Variants in DNAJC6 observed in about 807,000 individuals in gnomAD.
DNAJC6 encodes DnaJ heat shock protein family (Hsp40) member C6, also known as auxilin.
Under a neutral mutation model 110.0 loss-of-function variants are expected in DNAJC6, and 34 were observed. The observed-to-expected ratio is 0.31, with a 90% CI of 0.24 to 0.41. The LOEUF is 0.41. DNAJC6 is among the 10% of genes least tolerant of loss of function. The pLI, the probability that DNAJC6 is intolerant of heterozygous loss-of-function variation, is 1.00. For missense variants in DNAJC6, 1,031 were observed against 1,207.8 expected, an observed-to-expected ratio of 0.85 and a Z score of 2.17; for synonymous variants, 406 against 437.2, an observed-to-expected ratio of 0.93 and a Z score of 0.89.
intron 1 of DNAJC6, among the ~76,000 whole-genome samples, chr1:65,302,523 CTTTTTTTTTTTTTT>C (rs1169755787): frequency 1.2e-5 from 1 of 85,336 alleles, no homozygotes; most frequent in East Asian, 3.4e-4. Context: ...CTCTTCCTTT[CTTTTTTTTTTTTTT>C]TTTTTTTTTG....
At chr1:65,329,329 G>A (rs934468142) in intron 1 of DNAJC6, among the ~76,000 whole-genome samples, 1 of 152,058 alleles carries the variant, frequency 6.6e-6, no homozygotes, top group African/African-American at 2.4e-5. Flanking sequence ...ATTACTTTAA[G>A]TAGCTATGAG....
intron 1 of DNAJC6, among the ~76,000 whole-genome samples, chr1:65,336,696 C>T (rs1031735071): frequency 3.3e-5 from 5 of 152,146 alleles, no homozygotes; most frequent in Non-Finnish European, 7.4e-5. Context: ...ATAGCATGAA[C>T]TTGTAGTCCT....
In DNAJC6 at chr1:65,366,077, A is replaced by G. The variant is rs761232304; in HGVS notation, c.424A>G (p.Ile142Val). ...GTCCTTTCCTCTGGACAATGTTGAC[A>G]TAGGATTCAGGAATCAGGTTGATGA... ...VMSFPLDNVD[I>V]GFRNQVDDIR... Residue 142 changes from isoleucine (I) to valine (V), a missense_variant, in exon 4 of 19, where the codon ATA becomes GTA. Transcript: ENST00000371069. 8 of 1,613,782 alleles carry G rather than the reference A, an allele frequency of 5.0e-6. No homozygotes were observed. The South Asian group carries it at 7.7e-5, about 16-fold the overall frequency.
At chr1:65,365,785 G>A in intron 2 of DNAJC6, 100 bp from the exon 3 acceptor site, 1 of 1,317,338 alleles carries the variant, frequency 7.6e-7, no homozygotes, top group Admixed American at 1.9e-5. Flanking sequence ...ATGCCCCCTG[G>A]ACAGCGGTGT....
chr1:65,398,736 G>A (rs899138448), intron 13 of DNAJC6, 77 bp from the exon 14 acceptor site: 4 of 1,476,404 alleles, frequency 2.7e-6, no homozygotes, highest in Non-Finnish European at 3.8e-6. Context: ...GGATGGAATG[G>A]CATTATCCTG....
At chr1:65,366,285 G>A in intron 4 of DNAJC6, 89 bp downstream of exon 4, 2 of 1,404,758 alleles carry the variant, frequency 1.4e-6, no homozygotes, top group Non-Finnish European at 2.0e-6. Context: ...GTGCCCTTAG[G>A]CATCTGAAGC....
At chr1:65,297,070 A>G (rs955993546) in intron 1 of DNAJC6, among the ~76,000 whole-genome samples, 9 of 152,212 alleles carry the variant, frequency 5.9e-5, no homozygotes, top group African/African-American at 2.2e-4. Flanking sequence ...GGGACCTCAT[A>G]AAATGATATC....
intron 1 of DNAJC6, among the ~76,000 whole-genome samples, chr1:65,290,755 C>T (rs766304660): frequency 5.3e-5 from 8 of 152,106 alleles, no homozygotes; most frequent in Non-Finnish European, 8.8e-5. Context: ...TTGTAAGCAT[C>T]ATGACTATCT....
In DNAJC6 at chr1:65,309,835, G is replaced by A; in HGVS notation, c.90G>A (p.Ala30=). ...TGGACAGTAACGGGGACTTAAGTGC[G>A]GGAAGCGGCGGGGTTGGCGGCAAGC... ...QLVDSNGDLS[A]GSGGVGGKQR... The change falls in exon 1 of 19, where the codon GCG becomes GCA. Residue 30 remains alanine, a synonymous_variant. Coordinates refer to ENST00000371069, the MANE Select transcript of DNAJC6 (RefSeq NM_001256864.2). 6.5e-7 allele frequency: 1 copy of A among 1,549,026 alleles called. No individual in the cohort carries two copies. The highest frequency in any genetic ancestry group is 1.2e-5 in the South Asian group (1 of 84,022).
chr1:65,311,566 G>GT (rs1645102444), intron 1 of DNAJC6, among the ~76,000 whole-genome samples: 1 of 152,058 alleles, frequency 6.6e-6, no homozygotes, highest in Non-Finnish European at 1.5e-5. Context: ...TTCAATGTAT[G>GT]TTTTTTCAAA....
At chr1:65,409,025 T>G (rs1222048207) in intron 17 of DNAJC6, among the ~76,000 whole-genome samples, 1 of 152,158 alleles carries the variant, frequency 6.6e-6, no homozygotes, top group Non-Finnish European at 1.5e-5. Context: ...GAGGGCCATC[T>G]TCCTGGTTCA....
At chr1:65,345,533 GT>G (rs2101499297) in intron 1 of DNAJC6, 1 of 418,346 alleles carries the variant, frequency 2.4e-6, no homozygotes, top group African/African-American at 2.2e-5. Context: ...AGGTATGCTT[GT>G]TTGCAAATCC....
chr1:65,365,129 G>A (rs137991924), intron 2 of DNAJC6, among the ~76,000 whole-genome samples: 2 of 152,038 alleles, frequency 1.3e-5, no homozygotes, highest in Middle Eastern at 3.2e-3. Context: ...ACCCTGACAG[G>A]ATTTGTGTCT....
chr1:65,290,401 A>C (rs1384957841), intron 1 of DNAJC6, among the ~76,000 whole-genome samples: 3 of 152,126 alleles, frequency 2.0e-5, no homozygotes, highest in African/African-American at 7.2e-5. Flanking sequence ...CTACTTTTTG[A>C]GTACTGTTTA....
rs36194989 is a variant in DNAJC6 at position 65,302,104 on chromosome 1, T to C, written c.-131+37172T>C. Among the ~76,000 whole-genome samples, 34 of 26,048 alleles carry C rather than the reference T, an allele frequency of 1.3e-3. 1 individual carries two copies. The African/African-American group carries it at 0.021, about 16-fold the overall frequency. 17.1% of individuals were successfully genotyped at this position (26,048 alleles called of 152,430 possible). A position where few individuals can be genotyped will look rare whatever the true frequency, so the allele number is the denominator to read the frequency against. ...TATTATATATATTATATATATAATA[T>C]ATAATATATATATATATATAAAAAA... On this transcript the variant is annotated intron_variant, in intron 1 of 19. Coordinates refer to the DNAJC6 transcript ENST00000263441.
chr1:65,398,693 C>T, intron 13 of DNAJC6, 120 bp from the exon 14 acceptor site: 1 of 906,188 alleles, frequency 1.1e-6, no homozygotes, highest in African/African-American at 1.7e-5. Context: ...GAGTGGATAT[C>T]TTGGGATCTT....
In DNAJC6 at chr1:65,372,335, TA is replaced by T. The variant is rs201789333; in HGVS notation, c.543+6144del. Among the ~76,000 whole-genome samples the T allele has an allele frequency of 5.5e-3, 842 of 152,258 alleles. 1 individual carries two copies. The highest frequency in any genetic ancestry group is 9.8e-3 in the Non-Finnish European group (665 of 68,006). On this transcript the variant is annotated intron_variant, in intron 4 of 18. Transcript: ENST00000371069. Reference sequence around the variant, plus strand: ...TGGTACATGTGGACAAATCTTATTATAAAAATAGATTGCCAAATGGGGTTCA... The same window carrying T: ...TGGTACATGTGGACAAATCTTATTATAAAATAGATTGCCAAATGGGGTTCA...
At chr1:65,338,306 C>T (rs1645357348) in intron 1 of DNAJC6, among the ~76,000 whole-genome samples, 1 of 152,168 alleles carries the variant, frequency 6.6e-6, no homozygotes, top group South Asian at 2.1e-4. Context: ...CACAGAATCA[C>T]AATACCAACA....
chr1:65,395,774 A>G (rs1645970812), intron 13 of DNAJC6, among the ~76,000 whole-genome samples: 1 of 152,224 alleles, frequency 6.6e-6, no homozygotes. Flanking sequence ...GGCCCAAATT[A>G]TATTTCTATG....
Sources: gnomAD v4.1 joint callset for allele counts (sites outside exome capture counted in the v4.1 genomes callset) on GRCh38, gnomAD v4.1.1 for gene constraint, MANE v1.5 for transcripts, NCBI Gene and HGNC (gene_info 2026-07-23, HGNC 2026-07-21) for gene names.